The following BMPR1A variants were observed in gnomAD, a reference collection of about 807,000 sequenced individuals.
The protein encoded by BMPR1A is bone morphogenetic protein receptor type-1A.
BMPR1A carries 7 observed loss-of-function variants against 66.0 expected under a neutral mutation model. The observed-to-expected ratio is 0.11, with a 90% CI of 0.06 to 0.20. The LOEUF is 0.20. BMPR1A is among the 10% of genes least tolerant of loss of function. BMPR1A has a pLI of 1.00. For synonymous variants in BMPR1A, 200 were observed against 229.7 expected, an observed-to-expected ratio of 0.87 and a Z score of 1.17; for missense variants, 408 against 669.1, an observed-to-expected ratio of 0.61 and a Z score of 4.31.
chr10:86,813,813 C>T (rs1842000774), intron 1 of BMPR1A, among the ~76,000 whole-genome samples: 1 of 152,152 alleles, frequency 6.6e-6, no homozygotes, highest in African/African-American at 2.4e-5. Flanking sequence ...ATCCCTCTAT[C>T]TACATGGGTT....
intron 1 of BMPR1A, among the ~76,000 whole-genome samples, chr10:86,790,229 ATATATATC>A (rs1564685685): frequency 1.2e-4 from 11 of 94,844 alleles, no homozygotes; most frequent in African/African-American, 3.8e-4. Context: ...ATATATATAT[ATATATATC>A]AAAACCACAA....
rs561684859 is a variant in BMPR1A, at chr10:86,789,871, CA to C, written c.-268+32955del. ...GTCGTTAGTCATTAGAAATATAAAT[CA>C]AAGGCTGGGCACGGTGGCTCACGCC... On this transcript the variant is annotated intron_variant, in intron 1 of 12. Coordinates refer to ENST00000372037, the MANE Select transcript of BMPR1A (RefSeq NM_004329.3). 1.5e-4 allele frequency among the ~76,000 whole-genome samples: 22 copies of C among 150,928 alleles called. No individual in the cohort carries two copies. The East Asian group carries it at 4.3e-3, about 30-fold the overall frequency.
intron 2 of BMPR1A, among the ~76,000 whole-genome samples, chr10:86,869,478 T>C (rs1842826184): frequency 7.2e-6 from 1 of 139,724 alleles, no homozygotes; most frequent in African/African-American, 2.7e-5. Flanking sequence ...AAAAAAAGGC[T>C]GGACGTTGTG....
chr10:86,776,486 A>T (rs1841349897), intron 1 of BMPR1A, among the ~76,000 whole-genome samples: 1 of 152,186 alleles, frequency 6.6e-6, no homozygotes, highest in South Asian at 2.1e-4. Context: ...GGGCTTCTGA[A>T]TAAGAACTTC....
At chr10:86,780,166 T>A (rs1012606274) in intron 1 of BMPR1A, among the ~76,000 whole-genome samples, 1 of 152,222 alleles carries the variant, frequency 6.6e-6, no homozygotes, top group Admixed American at 6.5e-5. Flanking sequence ...TTTGTTTTGC[T>A]GTTGAGATGT....
chr10:86,913,264 C>G (rs768093763), intron 8 of BMPR1A, among the ~76,000 whole-genome samples: 2 of 151,028 alleles, frequency 1.3e-5, no homozygotes, highest in Non-Finnish European at 2.9e-5. Flanking sequence ...GCTGGAATTA[C>G]CAGATGCACC....
rs562776979 is a variant in BMPR1A at position 86,804,925 on chromosome 10, C to T, written c.-267-33940C>T. On this transcript the variant is annotated intron_variant, in intron 1 of 12. Coordinates refer to ENST00000372037, the MANE Select transcript of BMPR1A (RefSeq NM_004329.3). ...ATCAAGGGATCCAAAATAGGAGTGT[C>T]CGCAGAGCCATGCTCCCTTTAAAGG... Among the ~76,000 whole-genome samples, 403 of 151,402 alleles carry T rather than the reference C, an allele frequency of 2.7e-3. 1 individual carries two copies. The highest frequency in any genetic ancestry group is 4.9e-3 in the Non-Finnish European group (330 of 67,944).
At position 86,760,193 on chromosome 10, in the gene BMPR1A, T is replaced by G. The variant is rs1349957312; in HGVS notation, c.-268+3274T>G. Among the ~76,000 whole-genome samples the G allele has an allele frequency of 9.6e-4, 143 of 148,966 alleles. 1 individual carries two copies. Among genetic ancestry groups the G allele is most frequent in the Non-Finnish European group, 1.7e-3 (113 of 67,194 alleles). ...TATTTGCCTCAGATTTACCTGTTTT[T>G]TTTTTTTTTTTTTTTTAATACCTTA... On this transcript the variant is annotated intron_variant, in intron 1 of 12. Coordinates refer to ENST00000372037, the MANE Select transcript of BMPR1A (RefSeq NM_004329.3).
At chr10:86,887,112 C>T (rs1311590193) in intron 3 of BMPR1A, among the ~76,000 whole-genome samples, 6 of 152,104 alleles carry the variant, frequency 3.9e-5, no homozygotes, top group South Asian at 2.1e-4. Context: ...GGATTACAGG[C>T]GTGAGCCACC....
At chr10:86,918,447 C>T (rs887083041) in intron 9 of BMPR1A, among the ~76,000 whole-genome samples, 10 of 152,040 alleles carry the variant, frequency 6.6e-5, no homozygotes, top group Non-Finnish European at 1.5e-4. Context: ...CACTGATGGG[C>T]AAATGGGAGT....
intron 2 of BMPR1A, among the ~76,000 whole-genome samples, chr10:86,848,933 T>C (rs958088820): frequency 1.3e-5 from 2 of 152,220 alleles, no homozygotes; most frequent in African/African-American, 4.8e-5. Flanking sequence ...CTATTCTCAT[T>C]GCCTCTTGGT....
intron 5 of BMPR1A, among the ~76,000 whole-genome samples, chr10:86,899,510 A>G (rs537466698): frequency 6.6e-6 from 1 of 152,338 alleles, no homozygotes; most frequent in East Asian, 1.9e-4. Flanking sequence ...CAGTGAGATT[A>G]TATGTACCAG....
intron 1 of BMPR1A, among the ~76,000 whole-genome samples, chr10:86,791,696 C>A (rs1238667688): frequency 1.1e-5 from 1 of 93,618 alleles, no homozygotes; most frequent in African/African-American, 4.2e-5. Context: ...TTCCTCCCTC[C>A]CTCCCTCCCT....
At chr10:86,861,553 A>G (rs1322587947) in intron 2 of BMPR1A, among the ~76,000 whole-genome samples, 3 of 152,192 alleles carry the variant, frequency 2.0e-5, no homozygotes, top group African/African-American at 7.2e-5. Context: ...GTCAGACCAC[A>G]TTGTTTGTAC....
intron 3 of BMPR1A, among the ~76,000 whole-genome samples, chr10:86,883,771 A>G (rs982729146): frequency 4.0e-4 from 61 of 152,124 alleles, no homozygotes; most frequent in African/African-American, 1.3e-3. Flanking sequence ...CTCCATTTCA[A>G]AACAAAAAAA....
intron 1 of BMPR1A, among the ~76,000 whole-genome samples, chr10:86,831,510 C>T (rs1842267197): frequency 6.6e-6 from 1 of 152,210 alleles, no homozygotes; most frequent in African/African-American, 2.4e-5. Flanking sequence ...AATCCCAGCA[C>T]TCTGGGAAGC....
At chr10:86,778,927 C>CTTTTTTTTTTTTTTTTTTTTT (rs34496927) in intron 1 of BMPR1A, among the ~76,000 whole-genome samples, 1 of 118,494 alleles carries the variant, frequency 8.4e-6, no homozygotes, top group Admixed American at 8.4e-5. Flanking sequence ...TATGTATTTT[C>CTTTTTTTTTTTTTTTTTTTTT]TTTTTTTTTT....
intron 2 of BMPR1A, among the ~76,000 whole-genome samples, chr10:86,859,951 G>T (rs191272009): frequency 1.3e-5 from 2 of 152,112 alleles, no homozygotes; most frequent in Non-Finnish European, 2.9e-5. Flanking sequence ...AACAACAAAA[G>T]CATCTCTTCA....
At chr10:86,911,926 G>A (rs1843495068) in intron 7 of BMPR1A, among the ~76,000 whole-genome samples, 1 of 152,126 alleles carries the variant, frequency 6.6e-6, no homozygotes, top group Non-Finnish European at 1.5e-5. Context: ...GTTTGGGTTG[G>A]AATGTAAGGA....
Sources: allele counts gnomAD v4.1 joint callset (sites outside exome capture counted in the v4.1 genomes callset), GRCh38; gene constraint gnomAD v4.1.1; transcripts MANE v1.5; gene names NCBI Gene and HGNC (gene_info 2026-07-23, HGNC 2026-07-21).